AGL: variants seen among roughly 807,000 people sequenced by gnomAD.
AGL encodes amylo-alpha-1,6-glucosidase and 4-alpha-glucanotransferase.
In AGL, 128 loss-of-function variants were observed where a neutral mutation model predicts 199.3. The observed-to-expected ratio is 0.64, with a 90% CI of 0.56 to 0.74. AGL has a LOEUF of 0.74. AGL is among the 30% of genes least tolerant of loss of function. The probability of loss-of-function intolerance (pLI) is 0.00; values close to 1 mark genes in which losing one functional copy is unlikely to be tolerated. For missense variants in AGL, 1,809 were observed against 1,820.8 expected, an observed-to-expected ratio of 0.99 and a Z score of 0.12; for synonymous variants, 584 against 594.7, an observed-to-expected ratio of 0.98 and a Z score of 0.26.
At chr1:99,849,385 T>G (rs1370512854), upstream of AGL, among the ~76,000 whole-genome samples, 5 of 152,144 alleles carry the variant, frequency 3.3e-5, no homozygotes, top group Non-Finnish European at 5.9e-5. Context: ...TTAGGAGCCC[T>G]CCAAAAGCCC....
intron 26 of AGL, among the ~76,000 whole-genome samples, chr1:99,901,758 GA>G (rs1160955418): frequency 2.7e-5 from 4 of 147,294 alleles, no homozygotes; most frequent in Admixed American, 1.4e-4. Context: ...TGTTATATAT[GA>G]TTGGGGGGGC....
chr1:99,880,583 C>T, intron 13 of AGL, 49 bp from the exon 14 acceptor site: 2 of 1,585,174 alleles, frequency 1.3e-6, no homozygotes, highest in Non-Finnish European at 1.7e-6. Flanking sequence ...TAACCTCTTC[C>T]TGGACATAAA....
Position 99,880,645 on chromosome 1 carries a change from A to G in AGL, c.1749A>G (p.Ala583=), listed in dbSNP as rs577669321. ...AATGCTCTGCAGAGGCAATGAGTGCATATAATAGTCATGAAGAGGGCAGAT... is the reference window on the plus strand; with the variant it reads ...AATGCTCTGCAGAGGCAATGAGTGCGTATAATAGTCATGAAGAGGGCAGAT... The part of the protein sequence containing the change: ...ISSLIREAMS[A]YNSHEEGRLV... The change falls in exon 14 of 34, where the codon GCA becomes GCG. Residue 583 remains alanine (A), a synonymous_variant. Coordinates refer to ENST00000361915, the MANE Select transcript of AGL (RefSeq NM_000642.3). The G allele has an allele frequency of 3.1e-5, 50 of 1,614,028 alleles. No homozygotes were observed. The highest frequency in any genetic ancestry group is 1.7e-4 in the Middle Eastern group (1 of 6,060).
At position 99,891,750 on chromosome 1, in the gene AGL, C is replaced by G. The variant is rs748500643; in HGVS notation, c.3083+11C>G. 1 of 1,613,186 alleles carries G rather than the reference C, an allele frequency of 6.2e-7. No individual in the cohort carries two copies. Among genetic ancestry groups the G allele is most frequent in the Non-Finnish European group, 8.5e-7 (1 of 1,179,408 alleles). ...GAAGCAGATGTCAAGGTATATCCAA[C>G]AAAGCTTGAATAAATGGGCATATCT... On this transcript the variant is annotated intron_variant, in intron 23 of 33. Transcript: ENST00000361915.
intron 7 of AGL, among the ~76,000 whole-genome samples, chr1:99,873,880 TAA>T (rs1281345243): frequency 6.6e-6 from 1 of 152,206 alleles, no homozygotes; most frequent in Non-Finnish European, 1.5e-5. Flanking sequence ...CGTGTTTTTA[TAA>T]GTCATTTCAA....
In AGL at chr1:99,892,182, A is replaced by G. The variant is rs532229533; in HGVS notation, c.3084-250A>G. ...TGAGAGCCACCAAATTGATTAGGAC[A>G]TAATTTCACAAGAACAAACTTTCAT... On this transcript the variant is annotated intron_variant, in intron 23 of 33. Coordinates refer to ENST00000361915, the MANE Select transcript of AGL (RefSeq NM_000642.3). 5.9e-5 allele frequency among the ~76,000 whole-genome samples: 9 copies of G among 152,286 alleles called. 1 individual carries two copies. The South Asian group carries it at 1.0e-3, about 18-fold the overall frequency.
intron 20 of AGL, 56 bp downstream of exon 20, chr1:99,884,759 G>T: frequency 6.2e-7 from 1 of 1,602,548 alleles, no homozygotes; most frequent in South Asian, 1.1e-5. Flanking sequence ...GTTACCACTA[G>T]ACTGAATTAA....
chr1:99,915,790 G>GCA (rs1364221223), intron 31 of AGL, among the ~76,000 whole-genome samples: 1 of 150,232 alleles, frequency 6.7e-6, no homozygotes, highest in South Asian at 2.1e-4. Flanking sequence ...ACACACACAC[G>GCA]CACACACACA....
At chr1:99,879,730 T>C (rs1044556112) in intron 12 of AGL, among the ~76,000 whole-genome samples, 193 bp from the exon 13 acceptor site, 15 of 152,196 alleles carry the variant, frequency 9.9e-5, no homozygotes, top group African/African-American at 3.6e-4. Flanking sequence ...CTTTGCAAAA[T>C]CTAATCTTCC....
chr1:99,862,404 T>G lies in AGL; in HGVS notation c.441T>G (p.Leu147=). 6.2e-7 allele frequency: 1 copy of G among 1,614,120 alleles called. No homozygotes were observed. The highest frequency in any genetic ancestry group is 8.5e-7 in the Non-Finnish European group (1 of 1,179,996). The part of the protein sequence containing the change: ...LGPFDEWESR[L]RVAKESGYNM... Reference sequence around the variant, plus strand: ...CTTTTGATGAATGGGAAAGCAGACTTAGGGTTGCAAAAGAATCAGGTAATG... The same window carrying G: ...CTTTTGATGAATGGGAAAGCAGACTGAGGGTTGCAAAAGAATCAGGTAATG... The change falls in exon 4 of 34, where the codon CTT becomes CTG. Residue 147 remains leucine, a synonymous_variant. Transcript: ENST00000361915.
Position 99,872,701 on chromosome 1 carries a change from G to A in AGL, c.958+1832G>A, listed in dbSNP as rs149499519. 3.3e-3 allele frequency among the ~76,000 whole-genome samples: 505 copies of A among 152,022 alleles called. 3 individuals carry two copies. Among genetic ancestry groups the A allele is most frequent in the African/African-American group, 0.011 (473 of 41,472 alleles). On this transcript the variant is annotated intron_variant, in intron 7 of 33. Coordinates refer to ENST00000361915, the MANE Select transcript of AGL (RefSeq NM_000642.3). The stretch of plus-strand genomic sequence containing the variant: ...GCACCACCACACCCAGCTAATTTTT[G>A]TATTTTTAGTAGAGACGGGGTTTCA...
chr1:99,897,397 T>G (rs548718142), intron 25 of AGL, among the ~76,000 whole-genome samples: 14 of 152,228 alleles, frequency 9.2e-5, no homozygotes, highest in Non-Finnish European at 1.8e-4. Flanking sequence ...AGCACTGCTC[T>G]AAAAGATAAA....
At chr1:99,910,266 A>C (rs1317546952) in intron 27 of AGL, among the ~76,000 whole-genome samples, 1 of 152,138 alleles carries the variant, frequency 6.6e-6, no homozygotes, top group Non-Finnish European at 1.5e-5. Flanking sequence ...TCTGGTATCT[A>C]TTATTCCACA....
intron 17 of AGL, among the ~76,000 whole-genome samples, chr1:99,882,037 G>T (rs887877733): frequency 1.5e-4 from 22 of 151,702 alleles, no homozygotes; most frequent in Non-Finnish European, 4.4e-5. Flanking sequence ...TACTCCTGAA[G>T]CTGAGGTGGG....
chr1:99,920,123 G>GT (rs111823829), intron 33 of AGL, among the ~76,000 whole-genome samples: 40 of 152,280 alleles, frequency 2.6e-4, no homozygotes, highest in African/African-American at 8.9e-4. Context: ...ACCTCATTTT[G>GT]TTTTTTAATT....
chr1:99,885,546 G>C (rs1413317581), intron 20 of AGL, among the ~76,000 whole-genome samples: 2 of 152,112 alleles, frequency 1.3e-5, no homozygotes. Context: ...TGGCAGGTGA[G>C]CTTTATCTGT....
intron 2 of AGL, chr1:99,852,511 A>G: frequency 3.2e-6 from 2 of 615,460 alleles, no homozygotes; most frequent in Non-Finnish European, 5.7e-6. Flanking sequence ...CTGGGACTGC[A>G]GGCATACATC....
rs138784574 is a variant in AGL at position 99,899,078 on chromosome 1, CAAATATATATGTATATATAG to C, written c.3363-1556_3363-1537del. ...TGGGCAACAGGGTCTCTTAAAAAAACAAATATATATGTATATATAGAGAGAGCTAGTATTCTGACCTTTTC... is the reference window on the plus strand; with the variant it reads ...TGGGCAACAGGGTCTCTTAAAAAAACAGAGAGCTAGTATTCTGACCTTTTC... On this transcript the variant is annotated intron_variant, in intron 25 of 33. Coordinates refer to ENST00000361915, the MANE Select transcript of AGL (RefSeq NM_000642.3). Among the ~76,000 whole-genome samples, 680 of 152,144 alleles carry C rather than the reference CAAATATATATGTATATATAG, an allele frequency of 4.5e-3. 20 individuals are homozygous for C. In the East Asian group the frequency reaches 0.098, roughly 22 times the overall value.
In AGL at chr1:99,881,596, G is replaced by T. The variant is rs1652034728; in HGVS notation, c.2213G>T (p.Ser738Ile). ...GTGGCAGTAACAAGACACTCACCTA[G>T]CATCCATCAGTCTGTTGTGGCTGTA... ...DIVAVTRHSP[S>I]IHQSVVAVSR... The change falls in exon 17 of 34, where the codon AGC (serine) becomes ATC (isoleucine). Residue 738 changes from serine (S) to isoleucine (I), a missense_variant. Ser to Ile is a moderately radical substitution (Grantham distance 142). Coordinates refer to ENST00000361915, the MANE Select transcript of AGL (RefSeq NM_000642.3). 2 of 1,613,908 alleles carry T rather than the reference G, an allele frequency of 1.2e-6. No individual in the cohort carries two copies. Among genetic ancestry groups the T allele is most frequent in the African/African-American group, 1.3e-5 (1 of 74,912 alleles).
Sources: allele counts gnomAD v4.1 joint callset (sites outside exome capture counted in the v4.1 genomes callset), GRCh38; gene constraint gnomAD v4.1.1; transcripts MANE v1.5; gene names NCBI Gene and HGNC (gene_info 2026-07-23, HGNC 2026-07-21).